RDH12: variants seen among roughly 807,000 people sequenced by gnomAD.
RDH12 encodes retinol dehydrogenase 12, also known as all-trans and 9-cis retinol dehydrogenase.
Under a neutral mutation model 34.0 loss-of-function variants are expected in RDH12, and 21 were observed. The observed-to-expected ratio is 0.62, with a 90% CI of 0.44 to 0.89. RDH12 has a LOEUF of 0.89. Among genes scored for constraint, RDH12 ranks in the 40% least tolerant of loss-of-function variants. The pLI, the probability that RDH12 is intolerant of heterozygous loss-of-function variation, is 0.00. For missense variants in RDH12, 394 were observed against 398.6 expected (o/e 0.99, Z 0.10); for synonymous variants, 198 against 169.9 (o/e 1.17, Z -1.29).
chr14:67,724,700 C>G (rs1268337488), intron 4 of RDH12, 109 bp downstream of exon 4: 1 of 883,188 alleles, frequency 1.1e-6, no homozygotes, highest in Non-Finnish European at 1.9e-6. Context: ...GGGGCTCTGA[C>G]TAGAAATTCA....
rs1471693388 is a variant in RDH12, at chr14:67,722,532, G to C, written c.-111G>C. 1 of 879,038 alleles carries C rather than the reference G, an allele frequency of 1.1e-6. No homozygotes were observed. Among genetic ancestry groups the C allele is most frequent in the Non-Finnish European group, 2.0e-6 (1 of 509,864 alleles). The allele number at this position is 879,038 out of a possible 1,614,324, so 54.5% of individuals were successfully genotyped here. ...TCAGCACCCAGGACGGAGAGGAGCA[G>C]AGAAGCAGCAGAAGCAGCCAAGAGC... On this transcript the variant is annotated 5_prime_UTR_variant, in exon 3 of 9. Transcript: ENST00000551171.
intron 8 of RDH12, chr14:67,729,770 C>G (rs201960541): frequency 4.4e-5 from 22 of 503,530 alleles, no homozygotes; most frequent in Non-Finnish European, 7.5e-5. Flanking sequence ...GGAACGTCCT[C>G]TCTCTTCGGT....
chr14:67,703,030 G>A (rs888887855), intron 1 of RDH12, among the ~76,000 whole-genome samples: 1 of 152,086 alleles, frequency 6.6e-6, no homozygotes, highest in Non-Finnish European at 1.5e-5. Context: ...ATGTTGCCAG[G>A]GCTGGTCTTG....
intron 8 of RDH12, among the ~76,000 whole-genome samples, chr14:67,730,893 C>A (rs903799933): frequency 6.6e-6 from 1 of 151,828 alleles, no homozygotes; most frequent in African/African-American, 2.4e-5. Flanking sequence ...CGTGAGCCAC[C>A]GCGCCCAGCC....
chr14:67,711,120 T>C (rs1047395771), intron 1 of RDH12, among the ~76,000 whole-genome samples: 1 of 152,216 alleles, frequency 6.6e-6, no homozygotes, highest in African/African-American at 2.4e-5. Context: ...CAAACCTTAC[T>C]TCCTGTGGAC....
At chr14:67,731,207 C>CTT (rs71129853) in intron 8 of RDH12, among the ~76,000 whole-genome samples, 104 of 90,520 alleles carry the variant, frequency 1.1e-3, no homozygotes, top group African/African-American at 2.3e-3. Context: ...TTCTTTCTTT[C>CTT]TTTTTTTTTT....
intron 1 of RDH12, chr14:67,714,851 A>G (rs2038050808): frequency 6.6e-6 from 1 of 152,244 alleles, no homozygotes; most frequent in African/African-American, 2.4e-5. Context: ...GGTGCTCAAG[A>G]TTGCAGAGGC....
Position 67,729,316 on chromosome 14 carries a change from G to C in RDH12, c.784G>C (p.Ala262Pro). Residue 262 changes from alanine (A) to proline (P), a missense_variant, in exon 8 of 9, where the codon GCG (alanine) becomes CCG (proline). Physicochemically the swap from Ala to Pro is conservative, Grantham distance 27. Coordinates refer to ENST00000551171, the MANE Select transcript of RDH12 (RefSeq NM_152443.3). ...SPFVKTAREG[A>P]QTSLHCALAE... The stretch of plus-strand genomic sequence containing the variant: ...CTTTGTCAAGACGGCACGGGAGGGG[G>C]CGCAGACCAGCCTGCACTGCGCCCT... 6.2e-7 allele frequency: 1 copy of C among 1,600,436 alleles called. No individual in the cohort carries two copies. The highest frequency in any genetic ancestry group is 2.2e-5 in the East Asian group (1 of 44,884).
intron 2 of RDH12, among the ~76,000 whole-genome samples, chr14:67,721,488 C>T (rs1019541016): frequency 2.6e-5 from 4 of 152,080 alleles, no homozygotes; most frequent in Non-Finnish European, 4.4e-5. Context: ...CTCAAGGGAT[C>T]CCCCTACCTT....
intron 1 of RDH12, among the ~76,000 whole-genome samples, chr14:67,718,154 C>T (rs1481857596): frequency 6.6e-6 from 1 of 152,170 alleles, no homozygotes; most frequent in Non-Finnish European, 1.5e-5. Flanking sequence ...CAGCAAGTTC[C>T]TCATGGCTGG....
intron 7 of RDH12, 105 bp downstream of exon 7, chr14:67,727,295 T>C (rs746172136): frequency 6.0e-6 from 5 of 828,512 alleles, no homozygotes; most frequent in South Asian, 4.3e-5. Context: ...GTCAGTAATA[T>C]CTCTGTGGAC....
At chr14:67,707,731 A>G (rs2037965770) in intron 1 of RDH12, among the ~76,000 whole-genome samples, 1 of 152,230 alleles carries the variant, frequency 6.6e-6, no homozygotes, top group Non-Finnish European at 1.5e-5. Context: ...AGACTTCTTT[A>G]AAGCTGAGCC....
intron 1 of RDH12, among the ~76,000 whole-genome samples, chr14:67,703,064 C>T (rs1036315589): frequency 1.3e-5 from 2 of 152,182 alleles, no homozygotes; most frequent in Admixed American, 6.5e-5. Flanking sequence ...AAATGATCCT[C>T]CTACCTTGGC....
intron 7 of RDH12, chr14:67,727,633 A>T (rs1301968549): frequency 9.1e-6 from 2 of 218,906 alleles, no homozygotes; most frequent in Admixed American, 1.1e-4. Flanking sequence ...CAAGCACGCA[A>T]TATCACGCCT....
rs375371972 is a variant in RDH12, at chr14:67,722,993, C to A, written c.68+283C>A. Among the ~76,000 whole-genome samples, 318 of 152,320 alleles carry A rather than the reference C, an allele frequency of 2.1e-3. 2 individuals carry two copies. The Middle Eastern group carries it at 0.027, about 13-fold the overall frequency. On this transcript the variant is annotated intron_variant, in intron 3 of 8. Coordinates refer to ENST00000551171, the MANE Select transcript of RDH12 (RefSeq NM_152443.3). ...TGGATGACTCTGTCAAGTAGCTCAACAAACACCTTAGGTGGGAGTCCTTGC... is the reference window on the plus strand; with the variant it reads ...TGGATGACTCTGTCAAGTAGCTCAAAAAACACCTTAGGTGGGAGTCCTTGC...
intron 1 of RDH12, among the ~76,000 whole-genome samples, chr14:67,712,493 C>CAAAAAAAAAAAAAAAAAAAAAAAA (rs79758974): frequency 5.1e-5 from 2 of 38,948 alleles, no homozygotes; most frequent in African/African-American, 1.1e-4. Flanking sequence ...AAAAAACTTG[C>CAAAAAAAAAAAAAAAAAAAAAAAA]AAAAAAAAAA....
chr14:67,705,889 G>A (rs1375188738), intron 1 of RDH12: 2 of 152,140 alleles, frequency 1.3e-5, no homozygotes, highest in African/African-American at 4.8e-5. Context: ...CACTCAAAAA[G>A]TATACAGCCA....
In RDH12 at chr14:67,733,981, GACCCTTCTGGGAATGTTTGC is replaced by G; in HGVS notation, c.*136_*155del. The G allele has an allele frequency of 3.0e-6, 2 of 667,702 alleles. No homozygotes were observed. Among genetic ancestry groups the G allele is most frequent in the Non-Finnish European group, 5.5e-6 (2 of 365,148 alleles). 41.4% of individuals were successfully genotyped at this position (667,702 alleles called of 1,614,324 possible). A position where few individuals can be genotyped will look rare whatever the true frequency, so the allele number is the denominator to read the frequency against. On this transcript the variant is annotated 3_prime_UTR_variant, in exon 9 of 9. Transcript: ENST00000551171. ...GAATCCTGCCTGCTCTGATCCTCTT[GACCCTTCTGGGAATGTTTGC>G]ACACCTGACACTCTTGTGAGACTGG...
chr14:67,728,681 TGACCGC>T (rs1369606049), intron 7 of RDH12, among the ~76,000 whole-genome samples: 1 of 139,590 alleles, frequency 7.2e-6, no homozygotes, highest in Non-Finnish European at 1.5e-5. Flanking sequence ...TGAAAAATAG[TGACCGC>T]ACCAGGGATA....
Sources: gnomAD v4.1 joint callset for allele counts (sites outside exome capture counted in the v4.1 genomes callset) on GRCh38, gnomAD v4.1.1 for gene constraint, MANE v1.5 for transcripts, NCBI Gene and HGNC (gene_info 2026-07-23, HGNC 2026-07-21) for gene names.